Variants in ADK observed in about 807,000 individuals in gnomAD.
ADK encodes the protein N6,N6-dimethyladenosine kinase.
In ADK, 24 loss-of-function variants were observed where a neutral mutation model predicts 44.7. The ratio of observed to expected loss-of-function variants is 0.54; its 90% CI spans 0.39 to 0.76. ADK has a LOEUF of 0.76. Ranked by LOEUF, ADK falls within the 30% of genes least tolerant of loss-of-function variation. ADK has a pLI of 0.00. For synonymous variants in ADK, 128 were observed against 142.6 expected (o/e 0.90, Z 0.73); for missense variants, 321 against 425.1 (o/e 0.76, Z 2.15).
intron 10 of ADK, among the ~76,000 whole-genome samples, chr10:74,678,881 A>G (rs1855499584): frequency 6.6e-6 from 1 of 152,336 alleles, no homozygotes; most frequent in Admixed American, 6.5e-5. Flanking sequence ...CTGCTATTAA[A>G]TGAATCTGGT....
intron 4 of ADK, among the ~76,000 whole-genome samples, chr10:74,361,765 T>C (rs1842343369): frequency 6.6e-6 from 1 of 152,232 alleles, no homozygotes; most frequent in Non-Finnish European, 1.5e-5. Flanking sequence ...GTAAATTCCC[T>C]CAGCTTTTGT....
chr10:74,207,142 C>T (rs1335759563), intron 2 of ADK, among the ~76,000 whole-genome samples: 2 of 152,194 alleles, frequency 1.3e-5, no homozygotes, highest in Non-Finnish European at 2.9e-5. Flanking sequence ...TTCATGCAAG[C>T]TTGCGGCTGG....
intron 8 of ADK, among the ~76,000 whole-genome samples, chr10:74,592,911 T>C (rs959762716): frequency 6.6e-6 from 1 of 152,224 alleles, no homozygotes; most frequent in African/African-American, 2.4e-5. Flanking sequence ...TCAGTCATAC[T>C]AGGCACATAT....
chr10:74,221,243 C>T (rs879447169), intron 2 of ADK, among the ~76,000 whole-genome samples: 327 of 151,688 alleles, frequency 2.2e-3, no homozygotes, highest in Non-Finnish European at 3.0e-3. Flanking sequence ...AACAGAGAGC[C>T]AAATCATGAG....
chr10:74,223,006 T>C (rs1210684145), intron 2 of ADK, among the ~76,000 whole-genome samples: 1 of 152,086 alleles, frequency 6.6e-6, no homozygotes, highest in East Asian at 1.9e-4. Flanking sequence ...AAACTTAAAG[T>C]ATAATAATAA....
At chr10:74,606,267 T>C (rs1425415524) in intron 9 of ADK, among the ~76,000 whole-genome samples, 1 of 152,218 alleles carries the variant, frequency 6.6e-6, no homozygotes, top group Non-Finnish European at 1.5e-5. Flanking sequence ...CTTAGTTATT[T>C]CTTGCCTTCT....
chr10:74,286,069 T>C (rs1452218812), intron 3 of ADK, among the ~76,000 whole-genome samples: 1 of 152,206 alleles, frequency 6.6e-6, no homozygotes, highest in Admixed American at 6.5e-5. Context: ...TATATCTATT[T>C]AGAGACTGAA....
At chr10:74,346,465 T>C (rs1309569387) in intron 4 of ADK, among the ~76,000 whole-genome samples, 1 of 151,314 alleles carries the variant, frequency 6.6e-6, no homozygotes, top group Non-Finnish European at 1.5e-5. Flanking sequence ...ATTTGGGCTT[T>C]TGAGTTACAT....
intron 7 of ADK, among the ~76,000 whole-genome samples, chr10:74,559,845 G>GT (rs1034293272): frequency 3.3e-5 from 5 of 150,122 alleles, no homozygotes; most frequent in Admixed American, 2.0e-4. Context: ...TTCCAACTAA[G>GT]TTTTTTCATG....
chr10:74,176,381 C>T, intron 1 of ADK: 1 of 905,132 alleles, frequency 1.1e-6, no homozygotes, highest in Non-Finnish European at 1.3e-6. Context: ...AAATCCCACT[C>T]CCGAAGACCT....
intron 6 of ADK, among the ~76,000 whole-genome samples, chr10:74,482,119 A>G (rs1027956187): frequency 2.6e-5 from 4 of 152,190 alleles, no homozygotes; most frequent in African/African-American, 9.6e-5. Context: ...TTGCACTACT[A>G]TGAAGAAATA....
In ADK at chr10:74,222,578, G is replaced by A. The variant is rs1316754258; in HGVS notation, c.141-1960G>A. Among the ~76,000 whole-genome samples the A allele has an allele frequency of 3.9e-5, 6 of 151,978 alleles. No homozygotes were observed. The South Asian group carries it at 6.2e-4, about 16-fold the overall frequency. The stretch of plus-strand genomic sequence containing the variant: ...CATGCACACGTTTGTTTATTGCGGC[G>A]CTATTAACAATAGCAAAGACTTGGA... On this transcript the variant is annotated intron_variant, in intron 2 of 10. Transcript: ENST00000539909.
intron 1 of ADK, among the ~76,000 whole-genome samples, chr10:74,157,408 A>G (rs1267085466): frequency 6.6e-6 from 1 of 152,208 alleles, no homozygotes; most frequent in African/African-American, 2.4e-5. Context: ...ATGGTCATAA[A>G]AAAACATGAA....
intron 1 of ADK, among the ~76,000 whole-genome samples, chr10:74,171,810 C>CTCTGTGTG (rs1554825180): frequency 0.025 from 3,531 of 144,036 alleles, 143 homozygotes; most frequent in African/African-American, 0.085. Flanking sequence ...CTCTGTCTCT[C>CTCTGTGTG]TGTGTGTGTG....
In ADK at chr10:74,331,584, A is replaced by G. The variant is rs376663752; in HGVS notation, c.273+16839A>G. Reference sequence around the variant, plus strand: ...CTGCAACTTCCGCCTCCTGGGTTCAAGTGATTCTCCTGCTTCAGGCCTCCC... The same window carrying G: ...CTGCAACTTCCGCCTCCTGGGTTCAGGTGATTCTCCTGCTTCAGGCCTCCC... On this transcript the variant is annotated intron_variant, in intron 4 of 10. Transcript: ENST00000539909. 2.3e-4 allele frequency among the ~76,000 whole-genome samples: 35 copies of G among 152,280 alleles called. 1 individual carries two copies. Among genetic ancestry groups the G allele is most frequent in the Middle Eastern group, 6.8e-3 (2 of 294 alleles).
chr10:74,297,278 G>A (rs1268305666), intron 3 of ADK, among the ~76,000 whole-genome samples: 3 of 152,144 alleles, frequency 2.0e-5, no homozygotes, highest in African/African-American at 7.2e-5. Context: ...TTACTATTCA[G>A]TATCACTTTA....
chr10:74,390,942 A>AT (rs1292987889), intron 4 of ADK, among the ~76,000 whole-genome samples: 1 of 152,024 alleles, frequency 6.6e-6, no homozygotes, highest in Non-Finnish European at 1.5e-5. Flanking sequence ...CATCCCTCAG[A>AT]TTTTTTGCTT....
intron 6 of ADK, among the ~76,000 whole-genome samples, chr10:74,437,674 C>T (rs1009674930): frequency 6.6e-6 from 1 of 152,162 alleles, no homozygotes; most frequent in Non-Finnish European, 1.5e-5. Context: ...ACTTTTTAAC[C>T]CTTTCAAACC....
intron 7 of ADK, among the ~76,000 whole-genome samples, chr10:74,584,885 G>T (rs1020452478): frequency 6.6e-6 from 1 of 152,164 alleles, no homozygotes; most frequent in African/African-American, 2.4e-5. Context: ...CAAATAATTG[G>T]AATTGCAGTG....
Sources: allele counts gnomAD v4.1 joint callset (sites outside exome capture counted in the v4.1 genomes callset), GRCh38; gene constraint gnomAD v4.1.1; transcripts MANE v1.5; gene names NCBI Gene and HGNC (gene_info 2026-07-23, HGNC 2026-07-21).